Variants in S100PBP observed in about 807,000 individuals in gnomAD.
The protein encoded by S100PBP is S100P-binding protein.
Under a neutral mutation model 39.9 loss-of-function variants are expected in S100PBP, and 15 were observed. The observed-to-expected ratio is 0.38, with a 90% CI of 0.25 to 0.58. S100PBP has a LOEUF of 0.58. Ranked by LOEUF, S100PBP falls within the 20% of genes least tolerant of loss-of-function variation. The probability of loss-of-function intolerance (pLI) is 0.70; values close to 1 mark genes in which losing one functional copy is unlikely to be tolerated. For missense variants in S100PBP, 504 were observed against 487.3 expected, an observed-to-expected ratio of 1.03 and a Z score of -0.32; for synonymous variants, 178 against 180.3, an observed-to-expected ratio of 0.99 and a Z score of 0.10.
intron 4 of S100PBP, among the ~76,000 whole-genome samples, chr1:32,829,747 C>T (rs566685660): frequency 6.6e-6 from 1 of 152,316 alleles, no homozygotes; most frequent in East Asian, 1.9e-4. Flanking sequence ...GTGTGAGCCA[C>T]CACACCCAGC....
intron 4 of S100PBP, 62 bp from the exon 5 acceptor site, chr1:32,829,901 CA>C (rs1329721442): frequency 1.2e-5 from 14 of 1,167,092 alleles, no homozygotes; most frequent in Non-Finnish European, 1.7e-5. Flanking sequence ...CTTCTCTCTA[CA>C]AAACGCTATA....
chr1:32,838,333 CA>C (rs770251816), intron 5 of S100PBP, among the ~76,000 whole-genome samples: 1,967 of 67,866 alleles, frequency 0.029, 32 homozygotes, highest in African/African-American at 0.11. Flanking sequence ...GACTCTGTCT[CA>C]AAAAAAAAAA....
At chr1:32,817,432 C>G, upstream of S100PBP, 1 of 683,688 alleles carries the variant, frequency 1.5e-6, no homozygotes, top group South Asian at 1.7e-5. Flanking sequence ...AGCAGAGAGT[C>G]GAGCAGGTCG....
chr1:32,826,147 C>T lies in S100PBP; in HGVS notation c.48C>T (p.Leu16=), dbSNP rs767082291. 6.2e-6 allele frequency: 10 copies of T among 1,614,080 alleles called. No homozygotes were observed. The highest frequency in any genetic ancestry group is 8.5e-6 in the Non-Finnish European group (10 of 1,179,966). The change falls in exon 3 of 7, where the codon CTC becomes CTT. Residue 16 remains leucine, a synonymous_variant. Coordinates refer to ENST00000373475, the MANE Select transcript of S100PBP (RefSeq NM_022753.4). Reference sequence around the variant, plus strand: ...CTGAACAGTCTTCTGGTACCTCTCTCTTGCCTAAAGACGGTGCCCCATTTT... The same window carrying T: ...CTGAACAGTCTTCTGGTACCTCTCTTTTGCCTAAAGACGGTGCCCCATTTT... ...VPSEQSSGTS[L]LPKDGAPFSW...
At position 32,857,566 on chromosome 1, in the gene S100PBP, C is replaced by T. The variant is rs1640872201; in HGVS notation, c.*1528C>T. The T allele has an allele frequency of 6.6e-6, 1 of 152,280 alleles. No individual in the cohort carries two copies. The highest frequency in any genetic ancestry group is 2.1e-4 in the South Asian group (1 of 4,828). 9.4% of individuals were successfully genotyped at this position (152,280 alleles called of 1,614,324 possible). ...CCTCAGGTGATCTGCCCACCTCGGC[C>T]TCCTAAAGTGCTGGGATTACAGGCA... On this transcript the variant is annotated 3_prime_UTR_variant, in exon 7 of 7. Coordinates refer to ENST00000373475, the MANE Select transcript of S100PBP (RefSeq NM_022753.4).
intron 4 of S100PBP, among the ~76,000 whole-genome samples, chr1:32,829,301 A>C (rs1158392065): frequency 6.6e-6 from 1 of 152,170 alleles, no homozygotes; most frequent in Non-Finnish European, 1.5e-5. Flanking sequence ...GATTCTTTTC[A>C]GTCTTTATCC....
At chr1:32,831,956 A>G (rs1639618282) in intron 5 of S100PBP, among the ~76,000 whole-genome samples, 1 of 152,208 alleles carries the variant, frequency 6.6e-6, no homozygotes, top group Admixed American at 6.5e-5. Flanking sequence ...TTCCCCATTC[A>G]GCAGTTCCTT....
In S100PBP at chr1:32,858,464, G is replaced by T. The variant is rs1640897780; in HGVS notation, c.*2426G>T. On this transcript the variant is annotated 3_prime_UTR_variant, in exon 7 of 7. Coordinates refer to ENST00000373475, the MANE Select transcript of S100PBP (RefSeq NM_022753.4). ...AAAGCCAAAGAAAACTCATTATCTG[G>T]CATGTTCGCCTTAAAGATGGTACTG... is the stretch of plus-strand genomic sequence containing the variant. 6.6e-6 allele frequency: 1 copy of T among 152,608 alleles called. No homozygotes were observed. The highest frequency in any genetic ancestry group is 2.1e-4 in the South Asian group (1 of 4,830). 9.5% of individuals were successfully genotyped at this position (152,608 alleles called of 1,614,324 possible).
intron 3 of S100PBP, among the ~76,000 whole-genome samples, chr1:32,827,359 A>G (rs1352492964): frequency 6.6e-6 from 1 of 152,196 alleles, no homozygotes; most frequent in Non-Finnish European, 1.5e-5. Flanking sequence ...CATGCTATAT[A>G]TTAAGATACA....
chr1:32,840,706 GTTTTTATAA>G (rs1228954906), intron 5 of S100PBP, among the ~76,000 whole-genome samples: 1 of 152,074 alleles, frequency 6.6e-6, no homozygotes, highest in Non-Finnish European at 1.5e-5. Flanking sequence ...AAAGTGGTCA[GTTTTTATAA>G]TTTTAGACTT....
intron 5 of S100PBP, among the ~76,000 whole-genome samples, chr1:32,831,292 A>G (rs948472580): frequency 1.3e-5 from 2 of 151,864 alleles, no homozygotes; most frequent in Non-Finnish European, 1.5e-5. Flanking sequence ...AATTACATAT[A>G]AAGTACAGTA....
chr1:32,838,100 T>C, intron 5 of S100PBP, among the ~76,000 whole-genome samples: 1 of 150,904 alleles, frequency 6.6e-6, no homozygotes, highest in East Asian at 2.0e-4. Flanking sequence ...CCAGCACTTT[T>C]GGAGGCCGAG....
At chr1:32,824,173 T>A (rs898495228) in intron 1 of S100PBP, among the ~76,000 whole-genome samples, 3 of 148,782 alleles carry the variant, frequency 2.0e-5, no homozygotes, top group African/African-American at 7.5e-5. Flanking sequence ...GCCACTGCAC[T>A]CTAGCCTGGG....
intron 5 of S100PBP, among the ~76,000 whole-genome samples, chr1:32,840,027 C>T (rs571215090): frequency 1.4e-4 from 21 of 152,212 alleles, no homozygotes; most frequent in Non-Finnish European, 2.8e-4. Flanking sequence ...CTCTGTTGCT[C>T]AGGCTGGAGT....
chr1:32,826,326 A>T lies in S100PBP; in HGVS notation c.227A>T (p.Asp76Val), dbSNP rs752160103. The T allele has an allele frequency of 6.2e-6, 10 of 1,614,146 alleles. No homozygotes were observed. Among genetic ancestry groups the T allele is most frequent in the South Asian group, 4.4e-5 (4 of 91,078 alleles). The change falls in exon 3 of 7, where the codon GAT (aspartate) becomes GTT (valine). Residue 76 changes from aspartate (D) to valine (V), a missense_variant. Physicochemically the swap from Asp to Val is radical, Grantham distance 152 (BLOSUM62 -3). Transcript: ENST00000373475. ...DPSYEQSSGEDDGGHVEKGER... is the reference protein window; with the variant it reads ...DPSYEQSSGEVDGGHVEKGER... ...TCATATGAGCAGTCTTCTGGGGAAGATGATGGTGGGCATGTTGAGAAGGGA... is the reference window on the plus strand; with the variant it reads ...TCATATGAGCAGTCTTCTGGGGAAGTTGATGGTGGGCATGTTGAGAAGGGA...
At chr1:32,848,821 C>T (rs1031128364) in intron 5 of S100PBP, among the ~76,000 whole-genome samples, 8 of 152,174 alleles carry the variant, frequency 5.3e-5, no homozygotes, top group South Asian at 4.1e-4. Flanking sequence ...GAATTGTTGA[C>T]GTCATTCCTG....
chr1:32,817,355 A>G, upstream of S100PBP: 2 of 1,422,512 alleles, frequency 1.4e-6, no homozygotes, highest in Middle Eastern at 1.9e-4. Context: ...AGGTTGCATC[A>G]GCTGGGCTCG....
In S100PBP at chr1:32,856,380, A is replaced by C. The variant is rs1640819811; in HGVS notation, c.*342A>C. On this transcript the variant is annotated 3_prime_UTR_variant, in exon 7 of 7. Transcript: ENST00000373475. The stretch of plus-strand genomic sequence containing the variant: ...AAGCAAAAGACCCACCTCTCTGCAG[A>C]GGCAAAGTCTACTTTCTGGTACCTC... The C allele has an allele frequency of 1.2e-5, 2 of 163,438 alleles. No individual in the cohort carries two copies. The allele number at this position is 163,438 out of a possible 1,614,324, so 10.1% of individuals were successfully genotyped here. A position where few individuals can be genotyped will look rare whatever the true frequency, so the allele number is the denominator to read the frequency against.
chr1:32,826,095 C>T lies in S100PBP; in HGVS notation c.-2-3C>T. ...TCAGTGAAATTGTCTCTTATTTCTC[C>T]AGAAATGATGTGCTCACGGGTGCCC... On this transcript the variant is annotated splice_region_variant and splice_polypyrimidine_tract_variant and intron_variant, in intron 2 of 6. Transcript: ENST00000373475. The T allele has an allele frequency of 1.3e-6, 2 of 1,581,628 alleles. No homozygotes were observed. The highest frequency in any genetic ancestry group is 1.7e-6 in the Non-Finnish European group (2 of 1,164,792).
Sources: gnomAD v4.1 joint callset for allele counts (sites outside exome capture counted in the v4.1 genomes callset) on GRCh38, gnomAD v4.1.1 for gene constraint, MANE v1.5 for transcripts, NCBI Gene and HGNC (gene_info 2026-07-23, HGNC 2026-07-21) for gene names.